KIRREL1: variants seen among roughly 807,000 people sequenced by gnomAD.
KIRREL1 encodes kirre like nephrin family adhesion molecule 1, also known as kin of IRRE-like protein 1.
In KIRREL1, 25 loss-of-function variants were observed where a neutral mutation model predicts 83.3. That is an observed-to-expected ratio of 0.30 (90% CI 0.22 to 0.42). KIRREL1 has a LOEUF of 0.42. KIRREL1 is among the 10% of genes least tolerant of loss of function. The pLI, the probability that KIRREL1 is intolerant of heterozygous loss-of-function variation, is 1.00. For synonymous variants in KIRREL1, 388 were observed against 410.4 expected (o/e 0.95, Z 0.66); for missense variants, 812 against 1,032.3 (o/e 0.79, Z 2.92).
chr1:158,052,156 C>T (rs1197639645), intron 1 of KIRREL1, among the ~76,000 whole-genome samples: 1 of 152,144 alleles, frequency 6.6e-6, no homozygotes, highest in Non-Finnish European at 1.5e-5. Flanking sequence ...AACCTACCTC[C>T]CTTACCCCAT....
intron 2 of KIRREL1, among the ~76,000 whole-genome samples, chr1:158,077,655 C>G (rs1183366791): frequency 6.6e-6 from 1 of 152,228 alleles, no homozygotes; most frequent in Non-Finnish European, 1.5e-5. Flanking sequence ...CACTCGCTCT[C>G]CCTCTCTCCC....
chr1:158,093,287 C>A, intron 11 of KIRREL1, 52 bp from the exon 12 acceptor site: 1 of 1,471,138 alleles, frequency 6.8e-7, no homozygotes. Context: ...CTGAGCTTAG[C>A]TCCCAGTATA....
chr1:158,066,538 G>A (rs1049806473), intron 1 of KIRREL1, among the ~76,000 whole-genome samples: 2 of 151,890 alleles, frequency 1.3e-5, no homozygotes, highest in African/African-American at 4.8e-5. Flanking sequence ...ATCTCCTTCA[G>A]TGTCCTGCGT....
chr1:158,079,468 C>T (rs909154625), intron 3 of KIRREL1, among the ~76,000 whole-genome samples: 5 of 152,148 alleles, frequency 3.3e-5, no homozygotes, highest in Admixed American at 2.0e-4. Context: ...TACAGGTGCC[C>T]GCCACCATGC....
intron 1 of KIRREL1, among the ~76,000 whole-genome samples, chr1:158,052,045 C>T (rs1029282918): frequency 1.3e-5 from 2 of 152,222 alleles, no homozygotes; most frequent in Non-Finnish European, 2.9e-5. Flanking sequence ...TACCCTCCCT[C>T]TAACTACTGG....
intron 1 of KIRREL1, among the ~76,000 whole-genome samples, chr1:158,008,496 C>T (rs890552921): frequency 6.6e-6 from 1 of 152,114 alleles, no homozygotes; most frequent in Non-Finnish European, 1.5e-5. Context: ...GAGGTTCAGT[C>T]AACCGTGTGC....
chr1:158,058,483 GC>G (rs1661126812), intron 1 of KIRREL1, among the ~76,000 whole-genome samples: 1 of 152,186 alleles, frequency 6.6e-6, no homozygotes, highest in African/African-American at 2.4e-5. Context: ...CTAGCCAAGA[GC>G]TGAGGCAAGC....
chr1:158,046,790 T>C (rs1419663132), intron 1 of KIRREL1, among the ~76,000 whole-genome samples: 1 of 152,172 alleles, frequency 6.6e-6, no homozygotes, highest in Non-Finnish European at 1.5e-5. Flanking sequence ...TTGTAGGTCA[T>C]TGGTAACTCA....
At chr1:158,044,407 A>G (rs1223312172) in intron 1 of KIRREL1, among the ~76,000 whole-genome samples, 2 of 152,206 alleles carry the variant, frequency 1.3e-5, no homozygotes, top group Non-Finnish European at 2.9e-5. Flanking sequence ...GGACTTCCCT[A>G]ATGGAGGACA....
At chr1:158,078,564 C>G (rs1164371450) in intron 3 of KIRREL1, among the ~76,000 whole-genome samples, 1 of 152,154 alleles carries the variant, frequency 6.6e-6, no homozygotes, top group Non-Finnish European at 1.5e-5. Context: ...CCCCAAACGG[C>G]CCCCGTGCCC....
chr1:158,053,550 C>G (rs562763861), intron 1 of KIRREL1, among the ~76,000 whole-genome samples: 15 of 152,258 alleles, frequency 9.9e-5, no homozygotes, highest in African/African-American at 3.1e-4. Context: ...GTTCTTTGTG[C>G]CCAGAATCCC....
intron 1 of KIRREL1, among the ~76,000 whole-genome samples, chr1:158,017,382 T>C (rs192687673): frequency 1.3e-5 from 2 of 151,530 alleles, no homozygotes; most frequent in Non-Finnish European, 2.9e-5. Flanking sequence ...CTTTCTCTCT[T>C]TTTTTTTTCC....
chr1:158,043,824 T>G (rs4246541), intron 1 of KIRREL1, among the ~76,000 whole-genome samples: 151,399 of 152,316 alleles, frequency 0.99, 75,249 homozygotes, highest in Middle Eastern at 1. Context: ...GCAGCATCTC[T>G]GTGAGAGATG....
chr1:158,031,343 G>A (rs189914048), intron 1 of KIRREL1, among the ~76,000 whole-genome samples: 32 of 144,228 alleles, frequency 2.2e-4, no homozygotes, highest in South Asian at 2.1e-4. Context: ...ACACGCGCGT[G>A]CACACACACA....
At chr1:158,049,181 A>G (rs1211526473) in intron 1 of KIRREL1, among the ~76,000 whole-genome samples, 1 of 152,258 alleles carries the variant, frequency 6.6e-6, no homozygotes, top group African/African-American at 2.4e-5. Flanking sequence ...TTGAGTGTTT[A>G]CTAGGAGCCA....
Position 158,097,635 on chromosome 1 carries a change from G to A in KIRREL1, c.*2515G>A, listed in dbSNP as rs1238986258. 6.5e-6 allele frequency: 1 copy of A among 153,596 alleles called. No individual in the cohort carries two copies. The highest frequency in any genetic ancestry group is 1.4e-5 in the Non-Finnish European group (1 of 69,114). The allele number at this position is 153,596 out of a possible 1,614,324, so 9.5% of individuals were successfully genotyped here. On this transcript the variant is annotated 3_prime_UTR_variant, in exon 15 of 15. Coordinates refer to ENST00000359209, the MANE Select transcript of KIRREL1 (RefSeq NM_018240.7). ...AGTCTCTGCCCTCTGTAACTTACGT[G>A]TTGGTGCATCAGAATCTGAATTGGA...
In KIRREL1 at chr1:158,094,145, C is replaced by A. The variant is rs1662284235; in HGVS notation, c.1720-168C>A. Among the ~76,000 whole-genome samples the A allele has an allele frequency of 1.3e-5, 2 of 152,228 alleles. No individual in the cohort carries two copies. The highest frequency in any genetic ancestry group is 4.8e-5 in the African/African-American group (2 of 41,464). ...GTGCTCGAACCAAGGTCTCTGGCCT[C>A]TTCCCACCACATCCCAGAGCCTCTG... On this transcript the variant is annotated intron_variant, in intron 13 of 14. Transcript: ENST00000359209. This position sits in a 1 kb window ranked among gnomAD's most constrained non-coding sequence, Gnocchi z 4.6.
intron 1 of KIRREL1, among the ~76,000 whole-genome samples, chr1:158,040,242 G>T (rs1335897498): frequency 6.6e-6 from 1 of 152,166 alleles, no homozygotes; most frequent in African/African-American, 2.4e-5. Context: ...TGACCTCCAG[G>T]ATGTAGATAT....
chr1:158,088,773 C>T (rs985699866), intron 8 of KIRREL1, among the ~76,000 whole-genome samples: 6 of 152,146 alleles, frequency 3.9e-5, no homozygotes, highest in Admixed American at 1.3e-4. Flanking sequence ...CGTGAGCCAC[C>T]GCGCCCGGCC....
Sources: allele counts gnomAD v4.1 joint callset (sites outside exome capture counted in the v4.1 genomes callset), GRCh38; gene constraint gnomAD v4.1.1; non-coding constraint Gnocchi (gnomAD v3.1); transcripts MANE v1.5; gene names NCBI Gene and HGNC (gene_info 2026-07-23, HGNC 2026-07-21).